Variants in ST6GALNAC5 observed in about 807,000 individuals in gnomAD.
ST6GALNAC5 encodes alpha-N-acetylgalactosaminide alpha-2,6-sialyltransferase 5.
In ST6GALNAC5, 27 loss-of-function variants were observed where a neutral mutation model predicts 33.6. The ratio of observed to expected loss-of-function variants is 0.80; its 90% CI spans 0.59 to 1.11. ST6GALNAC5 has a LOEUF of 1.11. Ranked by LOEUF, ST6GALNAC5 falls within the 50% of genes least tolerant of loss-of-function variation. The pLI, the probability that ST6GALNAC5 is intolerant of heterozygous loss-of-function variation, is 0.00. For synonymous variants in ST6GALNAC5, 194 were observed against 171.2 expected (o/e 1.13, Z -1.04); for missense variants, 428 against 454.0 (o/e 0.94, Z 0.52).
At chr1:77,029,891 AAACTT>A (rs1197321912) in intron 2 of ST6GALNAC5, among the ~76,000 whole-genome samples, 2 of 152,226 alleles carry the variant, frequency 1.3e-5, no homozygotes, top group South Asian at 2.1e-4. Context: ...TAAGTGAACA[AAACTT>A]AATTTAAGCT....
At chr1:76,899,963 C>A (rs1646800718) in intron 2 of ST6GALNAC5, among the ~76,000 whole-genome samples, 1 of 152,304 alleles carries the variant, frequency 6.6e-6, no homozygotes, top group East Asian at 1.9e-4. Flanking sequence ...CGATCCAAGT[C>A]ACGGCACCAA....
At chr1:77,052,937 A>C (rs1652276620) in intron 4 of ST6GALNAC5, among the ~76,000 whole-genome samples, 1 of 141,034 alleles carries the variant, frequency 7.1e-6, no homozygotes. Flanking sequence ...AAAAAAAAAA[A>C]AACAATTTTA....
chr1:77,014,817 A>G (rs937289491), intron 2 of ST6GALNAC5, among the ~76,000 whole-genome samples: 2 of 152,236 alleles, frequency 1.3e-5, no homozygotes, highest in Non-Finnish European at 2.9e-5. Flanking sequence ...AAATGTGGCC[A>G]TATGAAAAAA....
chr1:76,947,678 C>G (rs916848154), intron 2 of ST6GALNAC5, among the ~76,000 whole-genome samples: 1 of 152,066 alleles, frequency 6.6e-6, no homozygotes, highest in Non-Finnish European at 1.5e-5. Flanking sequence ...CCCAGGAGTT[C>G]AAGGCTGCAG....
chr1:76,875,698 T>C (rs758303732), intron 2 of ST6GALNAC5, among the ~76,000 whole-genome samples: 57 of 152,252 alleles, frequency 3.7e-4, no homozygotes, highest in Middle Eastern at 6.8e-3. Flanking sequence ...GGTGAGTGGT[T>C]CCGCTTCCAC....
intron 2 of ST6GALNAC5, among the ~76,000 whole-genome samples, chr1:76,967,486 C>T (rs950638779): frequency 1.3e-5 from 2 of 152,048 alleles, no homozygotes; most frequent in African/African-American, 4.8e-5. Context: ...TCTTCTTTAG[C>T]AGTCTTGCTA....
chr1:77,061,602 G>A (rs1012288102), intron 4 of ST6GALNAC5, among the ~76,000 whole-genome samples: 7 of 152,172 alleles, frequency 4.6e-5, no homozygotes, highest in African/African-American at 1.7e-4. Context: ...TCTGCAACAA[G>A]GCCAGTTGCT....
At chr1:76,979,481 A>G (rs531216691) in intron 2 of ST6GALNAC5, among the ~76,000 whole-genome samples, 1 of 152,364 alleles carries the variant, frequency 6.6e-6, no homozygotes, top group Admixed American at 6.5e-5. Context: ...CTATGCATTT[A>G]CAACCAATTG....
At chr1:76,957,238 G>C (rs1648039234) in intron 2 of ST6GALNAC5, among the ~76,000 whole-genome samples, 1 of 152,156 alleles carries the variant, frequency 6.6e-6, no homozygotes, top group Non-Finnish European at 1.5e-5. Flanking sequence ...CTCCAGGGAA[G>C]GATCCTTTCC....
intron 2 of ST6GALNAC5, among the ~76,000 whole-genome samples, chr1:77,006,580 C>T (rs931535361): frequency 1.3e-5 from 2 of 152,132 alleles, no homozygotes; most frequent in African/African-American, 4.8e-5. Context: ...ACCTCAACCT[C>T]CAAAGTGCTG....
At chr1:77,062,301 T>G (rs1466622934) in intron 4 of ST6GALNAC5, among the ~76,000 whole-genome samples, 1 of 151,850 alleles carries the variant, frequency 6.6e-6, no homozygotes, top group Non-Finnish European at 1.5e-5. Context: ...TCAAGTGAGA[T>G]GAAGTGAGGG....
chr1:77,012,463 G>T (rs189416473), intron 2 of ST6GALNAC5, among the ~76,000 whole-genome samples: 2 of 152,264 alleles, frequency 1.3e-5, no homozygotes, highest in Admixed American at 6.5e-5. Flanking sequence ...GTCTGCCTCT[G>T]AACGCCAGAA....
chr1:77,050,397 G>T, intron 4 of ST6GALNAC5, 32 bp downstream of exon 4: 2 of 1,583,626 alleles, frequency 1.3e-6, no homozygotes, highest in Non-Finnish European at 1.7e-6. Context: ...TAAATCATCA[G>T]CCGTGTTGTG....
intron 4 of ST6GALNAC5, 33 bp from the exon 5 acceptor site, chr1:77,062,942 G>C (rs1200104403): frequency 6.3e-7 from 1 of 1,577,834 alleles, no homozygotes; most frequent in African/African-American, 1.4e-5. Flanking sequence ...AAATTTTTTT[G>C]CTTTAATCAG....
intron 2 of ST6GALNAC5, among the ~76,000 whole-genome samples, chr1:76,892,437 A>G (rs752936303): frequency 2.6e-5 from 4 of 152,206 alleles, no homozygotes; most frequent in Non-Finnish European, 5.9e-5. Flanking sequence ...TTACTTGTAA[A>G]CAGCAAAGAT....
At chr1:76,901,785 AT>A (rs1299804086) in intron 2 of ST6GALNAC5, among the ~76,000 whole-genome samples, 2 of 151,886 alleles carry the variant, frequency 1.3e-5, no homozygotes, top group Non-Finnish European at 2.9e-5. Flanking sequence ...ATTGATTTGG[AT>A]TTTGCTTTTT....
chr1:76,942,517 T>C (rs1441218610), intron 2 of ST6GALNAC5, among the ~76,000 whole-genome samples: 1 of 152,102 alleles, frequency 6.6e-6, no homozygotes, highest in Non-Finnish European at 1.5e-5. Flanking sequence ...TCAAGCCCTG[T>C]ATGTGCCAGA....
chr1:76,994,105 A>C (rs568295945), intron 2 of ST6GALNAC5, among the ~76,000 whole-genome samples: 40 of 152,196 alleles, frequency 2.6e-4, no homozygotes, highest in Non-Finnish European at 4.0e-4. Context: ...CACTCTTGCA[A>C]GGTCATATTT....
chr1:77,048,151 G>A (rs1215716845), intron 3 of ST6GALNAC5, among the ~76,000 whole-genome samples: 1 of 152,144 alleles, frequency 6.6e-6, no homozygotes, highest in Non-Finnish European at 1.5e-5. Flanking sequence ...CTTTTCCTGT[G>A]CAGCCACATC....
Sources: gnomAD v4.1 joint callset for allele counts (sites outside exome capture counted in the v4.1 genomes callset) on GRCh38, gnomAD v4.1.1 for gene constraint, MANE v1.5 for transcripts, NCBI Gene and HGNC (gene_info 2026-07-23, HGNC 2026-07-21) for gene names.